Variants in PAX3 observed in about 807,000 individuals in gnomAD.
PAX3 encodes the protein paired box protein Pax-3.
A neutral mutation model predicts 51.6 loss-of-function variants in PAX3; 14 were observed. The ratio of observed to expected loss-of-function variants is 0.27; its 90% CI spans 0.18 to 0.42. The LOEUF is 0.42. Among genes scored for constraint, PAX3 ranks in the 10% least tolerant of loss-of-function variants. PAX3 has a pLI of 1.00. For synonymous variants in PAX3, 280 were observed against 253.4 expected (o/e 1.11, Z -1.00); for missense variants, 540 against 642.8 (o/e 0.84, Z 1.73).
intron 7 of PAX3, among the ~76,000 whole-genome samples, chr2:222,219,059 C>T (rs762521721): frequency 3.9e-5 from 6 of 152,090 alleles, no homozygotes; most frequent in Non-Finnish European, 1.5e-5. Flanking sequence ...CAAAGATATA[C>T]GAGTCGTTAT....
intron 7 of PAX3, among the ~76,000 whole-genome samples, chr2:222,213,721 T>G (rs191494656): frequency 1.2e-4 from 18 of 152,280 alleles, no homozygotes; most frequent in Admixed American, 5.2e-4. Context: ...GCCCCTCCAT[T>G]GGGAAATAGG....
intron 4 of PAX3, among the ~76,000 whole-genome samples, chr2:222,277,410 C>T (rs1694460171): frequency 6.6e-6 from 1 of 152,186 alleles, no homozygotes; most frequent in African/African-American, 2.4e-5. Flanking sequence ...GCTGAACCCA[C>T]CTTTTACAGG....
intron 7 of PAX3, among the ~76,000 whole-genome samples, chr2:222,217,866 A>G (rs1692028394): frequency 6.6e-6 from 1 of 152,210 alleles, no homozygotes; most frequent in Admixed American, 6.6e-5. Context: ...GAAGTGATAT[A>G]GCCCAAAGTT....
rs185119406 is a variant in PAX3 at position 222,221,213 on chromosome 2, C to T, written c.958+9G>A. ...TTACTTTCTAATCTCCTTGACTCTT[C>T]CTCGGTACCTTGTGGAATAGATGTG... On this transcript the variant is annotated intron_variant, in intron 6 of 8. Coordinates refer to ENST00000392070, the MANE Select transcript of PAX3 (RefSeq NM_181458.4). 82 of 1,613,776 alleles carry T rather than the reference C, an allele frequency of 5.1e-5. No individual in the cohort carries two copies. In the Middle Eastern group the frequency reaches 8.3e-4, roughly 16 times the overall value.
chr2:222,203,299 G>A (rs895414473), intron 7 of PAX3, among the ~76,000 whole-genome samples: 3 of 151,662 alleles, frequency 2.0e-5, no homozygotes, highest in Non-Finnish European at 4.4e-5. Context: ...GAGAGGAAGC[G>A]ATTTTTCTAA....
At chr2:222,278,290 C>T (rs1012628800) in intron 4 of PAX3, among the ~76,000 whole-genome samples, 3 of 152,108 alleles carry the variant, frequency 2.0e-5, no homozygotes, top group African/African-American at 7.2e-5. Flanking sequence ...GAAGCCTCCC[C>T]CACCCCCAGC....
chr2:222,213,036 A>G (rs565486160), intron 7 of PAX3, among the ~76,000 whole-genome samples: 28 of 152,366 alleles, frequency 1.8e-4, no homozygotes, highest in Admixed American at 1.3e-3. Flanking sequence ...ACAGGAGAAC[A>G]TAGCTGACAG....
At chr2:222,208,075 A>G (rs952357658) in intron 7 of PAX3, among the ~76,000 whole-genome samples, 9 of 151,876 alleles carry the variant, frequency 5.9e-5, no homozygotes, top group African/African-American at 1.5e-4. Context: ...TCCATCTATT[A>G]TCAGTAAAGC....
chr2:222,260,635 A>G (rs1574708710), intron 4 of PAX3, among the ~76,000 whole-genome samples: 1 of 115,644 alleles, frequency 8.6e-6, no homozygotes, highest in African/African-American at 3.5e-5. Flanking sequence ...TCTGTTGCCC[A>G]GGTTGGAGTA....
Position 222,202,340 on chromosome 2 carries a change from T to A in PAX3, c.1174-150A>T, listed in dbSNP as rs1691329363. ...AGGAGACTATGAACCCAATTCTAAGTGGCAGAGATATTACATCATGCCCGA... is the reference window on the plus strand; with the variant it reads ...AGGAGACTATGAACCCAATTCTAAGAGGCAGAGATATTACATCATGCCCGA... On this transcript the variant is annotated intron_variant, in intron 7 of 8. Coordinates refer to ENST00000392070, the MANE Select transcript of PAX3 (RefSeq NM_181458.4). 4.2e-6 allele frequency: 3 copies of A among 707,796 alleles called. No individual in the cohort carries two copies. In the South Asian group the frequency reaches 4.6e-5, roughly 11 times the overall value. 43.8% of individuals were successfully genotyped at this position (707,796 alleles called of 1,614,324 possible). A position where few individuals can be genotyped will look rare whatever the true frequency, so the allele number is the denominator to read the frequency against.
chr2:222,224,034 C>A (rs992409258), intron 5 of PAX3, among the ~76,000 whole-genome samples: 2 of 152,118 alleles, frequency 1.3e-5, no homozygotes, highest in Non-Finnish European at 2.9e-5. Context: ...GAAGAAACAT[C>A]ATGAGTTTCT....
chr2:222,223,723 G>T (rs1428593232), intron 5 of PAX3, among the ~76,000 whole-genome samples: 2 of 152,168 alleles, frequency 1.3e-5, no homozygotes, highest in African/African-American at 4.8e-5. Context: ...GCTTTATATT[G>T]CTGGGAGGAG....
intron 3 of PAX3, 97 bp from the exon 4 acceptor site, chr2:222,294,398 G>T: frequency 7.2e-7 from 1 of 1,391,904 alleles, no homozygotes; most frequent in Non-Finnish European, 1.0e-6. Flanking sequence ...ACCAGCCAGG[G>T]CCCTAGAGCC....
At chr2:222,277,388 C>A (rs1694459275) in intron 4 of PAX3, among the ~76,000 whole-genome samples, 1 of 152,174 alleles carries the variant, frequency 6.6e-6, no homozygotes, top group African/African-American at 2.4e-5. Context: ...CCCATAGGTT[C>A]ATTAGCTCCT....
At chr2:222,248,374 T>C (rs531192136) in intron 4 of PAX3, among the ~76,000 whole-genome samples, 1 of 152,354 alleles carries the variant, frequency 6.6e-6, no homozygotes, top group South Asian at 2.1e-4. Flanking sequence ...AATACCTTTC[T>C]GCACATCTTC....
At chr2:222,208,186 C>T (rs1691587079) in intron 7 of PAX3, among the ~76,000 whole-genome samples, 1 of 152,070 alleles carries the variant, frequency 6.6e-6, no homozygotes, top group Admixed American at 6.6e-5. Flanking sequence ...ATAAAATTCT[C>T]ATATGTTTTA....
At chr2:222,262,356 A>C (rs75553362) in intron 4 of PAX3, among the ~76,000 whole-genome samples, 5,372 of 152,242 alleles carry the variant, frequency 0.035, 294 homozygotes, top group African/African-American at 0.12. Flanking sequence ...AAAAAAAAGC[A>C]TGACAATTCT....
At chr2:222,294,893 C>T (rs375668952) in intron 3 of PAX3, among the ~76,000 whole-genome samples, 31 of 150,966 alleles carry the variant, frequency 2.1e-4, no homozygotes, top group African/African-American at 7.3e-4. Flanking sequence ...AGAAAATGCA[C>T]TCTCTCCCAC....
chr2:222,212,402 T>C (rs1471398335), intron 7 of PAX3, among the ~76,000 whole-genome samples: 1 of 152,134 alleles, frequency 6.6e-6, no homozygotes, highest in Non-Finnish European at 1.5e-5. Context: ...GTAGACACGT[T>C]ACCCCATTAT....
Sources: gnomAD v4.1 joint callset for allele counts (sites outside exome capture counted in the v4.1 genomes callset) on GRCh38, gnomAD v4.1.1 for gene constraint, MANE v1.5 for transcripts, NCBI Gene and HGNC (gene_info 2026-07-23, HGNC 2026-07-21) for gene names.